The following CAMTA1 variants were observed in gnomAD, a reference collection of about 807,000 sequenced individuals.
The protein encoded by CAMTA1 is calmodulin-binding transcription activator 1.
Under a neutral mutation model 170.9 loss-of-function variants are expected in CAMTA1, and 27 were observed. The ratio of observed to expected loss-of-function variants is 0.16; its 90% CI spans 0.12 to 0.22. The LOEUF (loss-of-function observed/expected upper bound fraction) is 0.22. Ranked by LOEUF, CAMTA1 falls within the 10% of genes least tolerant of loss-of-function variation. The pLI is 1.00. For synonymous variants in CAMTA1, 833 were observed against 891.5 expected (o/e 0.93, Z 1.17); for missense variants, 1,619 against 2,217.2 (o/e 0.73, Z 5.42).
At chr1:7,519,529 C>G (rs2094332403) in intron 6 of CAMTA1, among the ~76,000 whole-genome samples, 1 of 151,874 alleles carries the variant, frequency 6.6e-6, no homozygotes, top group Non-Finnish European at 1.5e-5. Context: ...TCCAGTGTTC[C>G]TCAGCCAGGG....
chr1:6,802,295 A>G (rs552900224), intron 1 of CAMTA1, among the ~76,000 whole-genome samples: 1 of 152,298 alleles, frequency 6.6e-6, no homozygotes, highest in African/African-American at 2.4e-5. Context: ...ACTCATCATC[A>G]TCTGACTCCC....
intron 5 of CAMTA1, among the ~76,000 whole-genome samples, chr1:7,381,096 A>T (rs562782756): frequency 2.0e-5 from 3 of 152,232 alleles, no homozygotes; most frequent in Admixed American, 1.3e-4. Flanking sequence ...GACCGAAAAC[A>T]TCATAATAGC....
Position 6,793,357 on chromosome 1 carries a change from G to C in CAMTA1, c.45+7782G>C, listed in dbSNP as rs150876445. Among the ~76,000 whole-genome samples, 223 of 152,130 alleles carry C rather than the reference G, an allele frequency of 1.5e-3. 2 individuals are homozygous for C. The highest frequency in any genetic ancestry group is 3.4e-3 in the Middle Eastern group (1 of 294). The stretch of plus-strand genomic sequence containing the variant: ...ACCACAAGGTAAGATTATGTATTCA[G>C]TCACTTAAAAACACTTGCAAAGTGG... On this transcript the variant is annotated intron_variant, in intron 1 of 22. Coordinates refer to ENST00000303635, the MANE Select transcript of CAMTA1 (RefSeq NM_015215.4).
intron 6 of CAMTA1, among the ~76,000 whole-genome samples, chr1:7,542,838 AGTGTGTGTGTGT>A (rs373719721): frequency 0.14 from 8,054 of 55,880 alleles, 359 homozygotes; most frequent in East Asian, 0.38. Context: ...CCTAAAACAC[AGTGTGTGTGTGT>A]GTGTGTGTGT....
intron 4 of CAMTA1, among the ~76,000 whole-genome samples, chr1:7,161,290 A>G (rs900267222): frequency 3.3e-5 from 5 of 151,504 alleles, no homozygotes; most frequent in African/African-American, 1.2e-4. Flanking sequence ...CTCCTTCTCC[A>G]CCCTGCACAG....
intron 10 of CAMTA1, among the ~76,000 whole-genome samples, chr1:7,672,534 G>A (rs1390514357): frequency 6.6e-6 from 1 of 152,078 alleles, no homozygotes; most frequent in Non-Finnish European, 1.5e-5. Context: ...TGATTCTCTT[G>A]CCTCAGCCTC....
At chr1:7,261,814 C>T (rs555632097) in intron 5 of CAMTA1, among the ~76,000 whole-genome samples, 2 of 152,182 alleles carry the variant, frequency 1.3e-5, no homozygotes, top group Non-Finnish European at 2.9e-5. Context: ...GAGGTGTTGG[C>T]GTTGTCTGAT....
rs114519471 is a variant in CAMTA1 at position 7,343,652 on chromosome 1, C to G, written c.438+94026C>G. Reference sequence around the variant, plus strand: ...TCTCTGTCCCTCCCCGACCTTCCCACCTCCCAAAGGTCATCACAACCCTGA... The same window carrying G: ...TCTCTGTCCCTCCCCGACCTTCCCAGCTCCCAAAGGTCATCACAACCCTGA... On this transcript the variant is annotated intron_variant, in intron 5 of 22. Transcript: ENST00000303635. Among the ~76,000 whole-genome samples the G allele has an allele frequency of 6.0e-3, 912 of 152,310 alleles. 9 individuals carry two copies. Among genetic ancestry groups the G allele is most frequent in the African/African-American group, 0.021 (864 of 41,580 alleles).
At position 6,917,291 on chromosome 1, in the gene CAMTA1, C is replaced by T. The variant is rs183752318; in HGVS notation, c.234+92081C>T. On this transcript the variant is annotated intron_variant, in intron 3 of 22. Coordinates refer to ENST00000303635, the MANE Select transcript of CAMTA1 (RefSeq NM_015215.4). ...GAGGGTGGAGTTGTGTGCAGGTGGG[C>T]GGGATGCAGGGCCTGGTAAGCCGTG... Among the ~76,000 whole-genome samples the T allele has an allele frequency of 9.4e-4, 142 of 151,674 alleles. 1 individual carries two copies. The highest frequency in any genetic ancestry group is 1.7e-3 in the Non-Finnish European group (115 of 67,870).
At chr1:7,169,954 G>C (rs551644667) in intron 4 of CAMTA1, among the ~76,000 whole-genome samples, 2 of 152,188 alleles carry the variant, frequency 1.3e-5, no homozygotes, top group African/African-American at 2.4e-5. Context: ...TTTGTCAACT[G>C]TATTGTTCTT....
At chr1:6,899,155 A>T (rs1676314632) in intron 3 of CAMTA1, among the ~76,000 whole-genome samples, 1 of 152,174 alleles carries the variant, frequency 6.6e-6, no homozygotes, top group African/African-American at 2.4e-5. Flanking sequence ...TGCACTGTGG[A>T]TGATAAATAA....
At chr1:7,461,253 TC>T (rs1221488783) in intron 5 of CAMTA1, among the ~76,000 whole-genome samples, 1 of 152,102 alleles carries the variant, frequency 6.6e-6, no homozygotes, top group Admixed American at 6.6e-5. Flanking sequence ...GCATACGGAC[TC>T]CCCAAGTCCT....
chr1:7,593,985 T>C (rs1335493561), intron 6 of CAMTA1, among the ~76,000 whole-genome samples: 1 of 147,990 alleles, frequency 6.8e-6, no homozygotes, highest in African/African-American at 2.5e-5. Context: ...GAGGTTGCAG[T>C]GAGCCAAGAT....
At chr1:7,516,414 G>T (rs1419481095) in intron 6 of CAMTA1, among the ~76,000 whole-genome samples, 1 of 152,246 alleles carries the variant, frequency 6.6e-6, no homozygotes, top group East Asian at 1.9e-4. Flanking sequence ...GTGGAGGGCA[G>T]CTGGGGCAGC....
rs190521736 is a variant in CAMTA1, at chr1:7,426,661, G to A, written c.439-41169G>A. 1.8e-4 allele frequency among the ~76,000 whole-genome samples: 27 copies of A among 150,582 alleles called. No individual in the cohort carries two copies. Among genetic ancestry groups the A allele is most frequent in the African/African-American group, 6.3e-4 (26 of 41,182 alleles). On this transcript the variant is annotated intron_variant, in intron 5 of 22. Coordinates refer to ENST00000303635, the MANE Select transcript of CAMTA1 (RefSeq NM_015215.4). This position sits in a 1 kb window ranked among gnomAD's most constrained non-coding sequence, Gnocchi z 4.8. ...CTGATGGCGACTGTGCAAAAAAGCA[G>A]GGGTTGGGGCGGGGGAAAGGTGGAG...
At chr1:6,879,740 T>TGCCTCAACCTCCC (rs1173856868) in intron 3 of CAMTA1, among the ~76,000 whole-genome samples, 1 of 151,648 alleles carries the variant, frequency 6.6e-6, no homozygotes, top group Non-Finnish European at 1.5e-5. Flanking sequence ...GCAGGCCTCC[T>TGCCTCAACCTCCC]GCCTCAACCT....
rs140652532 is a variant in CAMTA1, at chr1:7,080,581, C to T, written c.235-10723C>T. The stretch of plus-strand genomic sequence containing the variant: ...ACAGAGTTTTGCTCTGTCACTCAGG[C>T]TGGAGTGTAATGGCACGATCTTGGC... On this transcript the variant is annotated intron_variant, in intron 3 of 22. Transcript: ENST00000303635. Among the ~76,000 whole-genome samples the T allele has an allele frequency of 6.5e-3, 987 of 152,228 alleles. 2 individuals are homozygous for T. Among genetic ancestry groups the T allele is most frequent in the Non-Finnish European group, 8.1e-3 (552 of 68,016 alleles).
In CAMTA1 at chr1:6,965,765, G is replaced by A. The variant is rs1342811792; in HGVS notation, c.235-125539G>A. Among the ~76,000 whole-genome samples, 3 of 152,316 alleles carry A rather than the reference G, an allele frequency of 2.0e-5. No homozygotes were observed. Among genetic ancestry groups the A allele is most frequent in the South Asian group, 2.1e-4 (1 of 4,826 alleles). On this transcript the variant is annotated intron_variant, in intron 3 of 22. Transcript: ENST00000303635. This position sits in a 1 kb window ranked among gnomAD's most constrained non-coding sequence, Gnocchi z 4.1. Reference sequence around the variant, plus strand: ...GTTAGTGCCGGTTGTGACAAAAGCTGCATTTGCATATCGCCGTGATGAGGT... The same window carrying A: ...GTTAGTGCCGGTTGTGACAAAAGCTACATTTGCATATCGCCGTGATGAGGT...
Position 6,871,219 on chromosome 1 carries a change from T to C in CAMTA1, c.234+46009T>C, listed in dbSNP as rs556230101. 1.5e-3 allele frequency among the ~76,000 whole-genome samples: 223 copies of C among 152,122 alleles called. 1 individual carries two copies. The highest frequency in any genetic ancestry group is 5.0e-3 in the African/African-American group (205 of 41,392). Reference sequence around the variant, plus strand: ...TATTTTGCTTAAAATGTCTTTTTTTTCCCCTGTGCAGTGAAAGTTGAATGT... The same window carrying C: ...TATTTTGCTTAAAATGTCTTTTTTTCCCCCTGTGCAGTGAAAGTTGAATGT... On this transcript the variant is annotated intron_variant, in intron 3 of 22. Transcript: ENST00000303635.
Sources: gnomAD v4.1 joint callset for allele counts (sites outside exome capture counted in the v4.1 genomes callset) on GRCh38, gnomAD v4.1.1 for gene constraint, Gnocchi (gnomAD v3.1) non-coding constraint, MANE v1.5 for transcripts, NCBI Gene and HGNC (gene_info 2026-07-23, HGNC 2026-07-21) for gene names.